The following ZNF721 variants were observed in gnomAD, a reference collection of about 807,000 sequenced individuals.
ZNF721 encodes the protein zinc finger protein 721.
ZNF721 carries 2 observed loss-of-function variants against 2.4 expected under a neutral mutation model. The ratio of observed to expected loss-of-function variants is 0.82; its 90% CI spans 0.34 to 2.58. The LOEUF (loss-of-function observed/expected upper bound fraction) is 2.58. Among genes scored for constraint, ZNF721 ranks in the 30% most tolerant of loss-of-function variants. The pLI is 0.11. For synonymous variants in ZNF721, 398 were observed against 381.8 expected (o/e 1.04, Z -0.50); for missense variants, 1,187 against 1,085.5 (o/e 1.09, Z -1.31).
At chr4:463,170 G>C (rs1715123434) in intron 2 of ZNF721, among the ~76,000 whole-genome samples, 1 of 152,172 alleles carries the variant, frequency 6.6e-6, no homozygotes, top group East Asian at 1.9e-4. Flanking sequence ...CATCGTCACT[G>C]GTCGTTAGAG....
At chr4:485,630 T>C (rs190373917) in intron 1 of ZNF721, among the ~76,000 whole-genome samples, 1 of 152,324 alleles carries the variant, frequency 6.6e-6, no homozygotes, top group East Asian at 1.9e-4. Flanking sequence ...TTTGGGAGCA[T>C]GGTTGCATAT....
intron 1 of ZNF721, among the ~76,000 whole-genome samples, chr4:484,559 T>C (rs530359092): frequency 1.2e-4 from 18 of 152,324 alleles, no homozygotes; most frequent in Admixed American, 1.1e-3. Context: ...CCTGGAGGTA[T>C]AGGCTTATAA....
At position 443,419 on chromosome 4, in the gene ZNF721, C is replaced by A; in HGVS notation, c.1048G>T (p.Val350Leu). 1 of 1,612,500 alleles carries A rather than the reference C, an allele frequency of 6.2e-7. No homozygotes were observed. Among genetic ancestry groups the A allele is most frequent in the Non-Finnish European group, 8.5e-7 (1 of 1,179,060 alleles). Residue 350 changes from valine (V) to leucine (L), a missense_variant, in exon 3 of 3, where the codon GTA becomes TTA. Physicochemically the swap from Val to Leu is conservative, Grantham distance 32 (BLOSUM62 1). Coordinates refer to ENST00000511833, the MANE Select transcript of ZNF721 (RefSeq NM_133474.4). ...KTFRQSANLY[V>L]HRRIHTGEKP... ...TCTCCAGTATGAATTCTCCTATGTA[C>A]GTAAAGGTTTGCGGACTGTCTAAAG... is the stretch of plus-strand genomic sequence containing the variant.
At chr4:491,118 T>C (rs1553871407) in intron 1 of ZNF721, among the ~76,000 whole-genome samples, 1 of 152,086 alleles carries the variant, frequency 6.6e-6, no homozygotes, top group Admixed American at 6.6e-5. Context: ...CTTCTGGCTT[T>C]TGGGGGCTTT....
chr4:445,491 A>T (rs1714443169), intron 2 of ZNF721, among the ~76,000 whole-genome samples: 1 of 152,214 alleles, frequency 6.6e-6, no homozygotes, highest in South Asian at 2.1e-4. Flanking sequence ...TAACAAGCAA[A>T]TATTACAATG....
chr4:456,274 T>TA lies in ZNF721; in HGVS notation c.35-11843_35-11842insT, dbSNP rs1437225816. On this transcript the variant is annotated intron_variant, in intron 2 of 2. Coordinates refer to ENST00000511833, the MANE Select transcript of ZNF721 (RefSeq NM_133474.4). ...TAGTGGAGACAGGGTTTCTCCATGT[T>TA]GGTCAGGCTGGTCTTGAACTCCTGA... Among the ~76,000 whole-genome samples, 11 of 152,196 alleles carry TA rather than the reference T, an allele frequency of 7.2e-5. No homozygotes were observed. In the East Asian group the frequency reaches 2.1e-3, roughly 30 times the overall value.
At chr4:471,780 T>A (rs552135037) in intron 2 of ZNF721, among the ~76,000 whole-genome samples, 1 of 152,246 alleles carries the variant, frequency 6.6e-6, no homozygotes, top group South Asian at 2.1e-4. Context: ...TATGAGGTAA[T>A]AGATATGTTG....
intron 2 of ZNF721, among the ~76,000 whole-genome samples, chr4:462,735 C>A (rs1382529161): frequency 6.6e-6 from 1 of 152,118 alleles, no homozygotes; most frequent in Non-Finnish European, 1.5e-5. Flanking sequence ...TTCCTTACAC[C>A]TTATACAACA....
chr4:468,922 G>A (rs952413191), intron 2 of ZNF721, among the ~76,000 whole-genome samples: 2 of 151,922 alleles, frequency 1.3e-5, no homozygotes, highest in African/African-American at 4.8e-5. Flanking sequence ...AGAACAATTA[G>A]GCAAGAAAAA....
chr4:489,628 C>A (rs1441264302), intron 1 of ZNF721, among the ~76,000 whole-genome samples: 1 of 152,154 alleles, frequency 6.6e-6, no homozygotes, highest in Non-Finnish European at 1.5e-5. Context: ...TCACTTCCAG[C>A]AGAAAAGACG....
At position 490,751 on chromosome 4, in the gene ZNF721, A is replaced by C. The variant is rs554096817; in HGVS notation, c.-94+8305T>G. Among the ~76,000 whole-genome samples, 2 of 152,268 alleles carry C rather than the reference A, an allele frequency of 1.3e-5. 1 individual carries two copies. The highest frequency in any genetic ancestry group is 4.2e-4 in the South Asian group (2 of 4,818). ...TGTGTGCACGTGTGCATGCGTGCACAGTTTATAAGTGGATGTAACCTTACA... is the reference window on the plus strand; with the variant it reads ...TGTGTGCACGTGTGCATGCGTGCACCGTTTATAAGTGGATGTAACCTTACA... On this transcript the variant is annotated intron_variant, in intron 1 of 2. Transcript: ENST00000511833.
At chr4:485,279 T>G (rs76155238) in intron 1 of ZNF721, among the ~76,000 whole-genome samples, 6,615 of 152,194 alleles carry the variant, frequency 0.043, 204 homozygotes, top group African/African-American at 0.088. Flanking sequence ...TCCCCCTTAG[T>G]CTTTCATTTT....
rs966768713 is a variant in ZNF721 at position 442,209 on chromosome 4, T to C, written c.2258A>G (p.Tyr753Cys). ...YKKIHTGDKLYKCKECGKVFK... is the reference protein window; with the variant it reads ...YKKIHTGDKLCKCKECGKVFK... ...CACTTTCCCACATTCTTTACATTTG[T>C]AGAGTTTATCTCCAGTATGAATTTT... Residue 753 changes from tyrosine to cysteine, a missense_variant, in exon 3 of 3, where the codon TAC becomes TGC. By Grantham distance (194) the Tyr-to-Cys change is radical (BLOSUM62 -2). Coordinates refer to ENST00000511833, the MANE Select transcript of ZNF721 (RefSeq NM_133474.4). 16 of 1,612,408 alleles carry C rather than the reference T, an allele frequency of 9.9e-6. No homozygotes were observed. The highest frequency in any genetic ancestry group is 8.5e-7 in the Non-Finnish European group (1 of 1,178,988).
rs778331778 is a variant in ZNF721 at position 441,346 on chromosome 4, T to C, written c.*349A>G. The C allele has an allele frequency of 4.3e-5, 8 of 186,898 alleles. No homozygotes were observed. The highest frequency in any genetic ancestry group is 1.2e-4 in the African/African-American group (5 of 42,454). The allele number at this position is 186,898 out of a possible 1,614,324, so 11.6% of individuals were successfully genotyped here. A position where few individuals can be genotyped will look rare whatever the true frequency, so the allele number is the denominator to read the frequency against. On this transcript the variant is annotated 3_prime_UTR_variant, in exon 3 of 3. Transcript: ENST00000511833. The stretch of plus-strand genomic sequence containing the variant: ...CTATCATGTGCAAAAATGCTAAGCA[T>C]TGGTTACAAGTTTTGCCACATTTTT...
intron 1 of ZNF721, among the ~76,000 whole-genome samples, chr4:476,937 T>C (rs1448647726): frequency 6.6e-6 from 1 of 152,230 alleles, no homozygotes; most frequent in Non-Finnish European, 1.5e-5. Flanking sequence ...AACACGCCAC[T>C]GAGAGCTAGT....
intron 2 of ZNF721, among the ~76,000 whole-genome samples, chr4:460,681 A>G (rs1560233237): frequency 6.6e-6 from 1 of 152,050 alleles, no homozygotes; most frequent in Non-Finnish European, 1.5e-5. Context: ...GAAAAGATCA[A>G]CAAAATAGAT....
intron 2 of ZNF721, among the ~76,000 whole-genome samples, chr4:450,178 T>C (rs1385113736): frequency 6.7e-6 from 1 of 149,806 alleles, no homozygotes; most frequent in Non-Finnish European, 1.5e-5. Flanking sequence ...TCTATTTTCA[T>C]TGTAGCTAAA....
At chr4:469,269 A>T (rs1437075686) in intron 2 of ZNF721, among the ~76,000 whole-genome samples, 2 of 151,894 alleles carry the variant, frequency 1.3e-5, no homozygotes, top group Non-Finnish European at 2.9e-5. Context: ...TCCATAAAGT[A>T]ACAACAAAAT....
intron 2 of ZNF721, among the ~76,000 whole-genome samples, chr4:445,420 T>C (rs1485731113): frequency 2.0e-5 from 3 of 152,196 alleles, no homozygotes; most frequent in Non-Finnish European, 4.4e-5. Flanking sequence ...GGCTTCAGAC[T>C]ACATCATGAC....
Sources: allele counts gnomAD v4.1 joint callset (sites outside exome capture counted in the v4.1 genomes callset), GRCh38; gene constraint gnomAD v4.1.1; transcripts MANE v1.5; gene names NCBI Gene and HGNC (gene_info 2026-07-23, HGNC 2026-07-21).